Variants in BMPR1B observed in about 807,000 individuals in gnomAD.
BMPR1B encodes bone morphogenetic protein receptor type 1B, also known as bone morphogenetic protein receptor type-1B.
In BMPR1B, 12 loss-of-function variants were observed where a neutral mutation model predicts 59.1. The observed-to-expected ratio is 0.20, with a 90% CI of 0.13 to 0.33. The LOEUF (loss-of-function observed/expected upper bound fraction) is 0.33. Among genes scored for constraint, BMPR1B ranks in the 10% least tolerant of loss-of-function variants. BMPR1B has a pLI of 1.00. For missense variants in BMPR1B, 550 were observed against 610.9 expected (o/e 0.90, Z 1.05); for synonymous variants, 237 against 207.3 (o/e 1.14, Z -1.23).
chr4:94,974,924 A>G (rs1483476100), intron 2 of BMPR1B, among the ~76,000 whole-genome samples: 1 of 152,132 alleles, frequency 6.6e-6, no homozygotes, highest in Non-Finnish European at 1.5e-5. Flanking sequence ...GTTTGGAACA[A>G]ATATTTTGGA....
chr4:94,866,030 T>G (rs76093524), intron 1 of BMPR1B, among the ~76,000 whole-genome samples: 174 of 152,290 alleles, frequency 1.1e-3, no homozygotes, highest in African/African-American at 3.8e-3. Flanking sequence ...ACCTTTGGCA[T>G]AGAGGGGAAT....
chr4:94,769,339 G>C (rs1406113319), intron 1 of BMPR1B, among the ~76,000 whole-genome samples: 1 of 152,190 alleles, frequency 6.6e-6, no homozygotes, highest in African/African-American at 2.4e-5. Context: ...GGCCGGGCGC[G>C]GTGGCTCACG....
intron 8 of BMPR1B, among the ~76,000 whole-genome samples, chr4:95,129,499 AT>A (rs1234210723): frequency 6.6e-6 from 1 of 152,062 alleles, no homozygotes; most frequent in African/African-American, 2.4e-5. Flanking sequence ...GATTAGGTGT[AT>A]GGTGACGAGT....
intron 2 of BMPR1B, among the ~76,000 whole-genome samples, chr4:94,938,563 T>C (rs1729401410): frequency 6.6e-6 from 1 of 152,158 alleles, no homozygotes; most frequent in Non-Finnish European, 1.5e-5. Context: ...TCCTATCTGG[T>C]CCTTGGATTT....
chr4:94,837,508 G>C (rs1431171603), intron 1 of BMPR1B, among the ~76,000 whole-genome samples: 2 of 145,288 alleles, frequency 1.4e-5, no homozygotes, highest in African/African-American at 5.1e-5. Flanking sequence ...GTATTTTATT[G>C]TCTTTGAAGC....
chr4:95,142,335 T>C (rs1255118509), intron 10 of BMPR1B, among the ~76,000 whole-genome samples: 1 of 152,168 alleles, frequency 6.6e-6, no homozygotes, highest in Non-Finnish European at 1.5e-5. Context: ...CAAATCATCT[T>C]GCTGAGAGAG....
At chr4:95,144,414 A>G (rs915030750) in intron 10 of BMPR1B, among the ~76,000 whole-genome samples, 3 of 152,058 alleles carry the variant, frequency 2.0e-5, no homozygotes, top group East Asian at 1.9e-4. Flanking sequence ...GACTCAAGCA[A>G]GCAATCCACC....
At chr4:95,016,602 G>A (rs1011709724) in intron 3 of BMPR1B, among the ~76,000 whole-genome samples, 2 of 152,260 alleles carry the variant, frequency 1.3e-5, no homozygotes, top group African/African-American at 4.8e-5. Flanking sequence ...ATAGATTGTA[G>A]AGATAAGAGA....
At chr4:94,818,560 C>G (rs1426426094) in intron 1 of BMPR1B, among the ~76,000 whole-genome samples, 1 of 152,116 alleles carries the variant, frequency 6.6e-6, no homozygotes, top group Non-Finnish European at 1.5e-5. Flanking sequence ...AAGCAGTGAC[C>G]AGAACAGCCA....
chr4:94,862,931 C>A (rs1176075280), intron 1 of BMPR1B, among the ~76,000 whole-genome samples: 1 of 116,582 alleles, frequency 8.6e-6, no homozygotes, highest in Non-Finnish European at 1.7e-5. Context: ...GGGGACAGAG[C>A]GAGACTCCGT....
intron 2 of BMPR1B, among the ~76,000 whole-genome samples, chr4:94,939,075 G>A (rs1729420613): frequency 6.6e-6 from 1 of 152,024 alleles, no homozygotes; most frequent in African/African-American, 2.4e-5. Context: ...TCTGAACTCC[G>A]AGCCTCTATG....
chr4:94,978,687 C>G (rs1459343578), intron 2 of BMPR1B, among the ~76,000 whole-genome samples: 1 of 152,100 alleles, frequency 6.6e-6, no homozygotes, highest in Admixed American at 6.6e-5. Context: ...GAACTTAGAA[C>G]CCACCTCTCA....
At chr4:95,091,702 G>A (rs376493865) in intron 3 of BMPR1B, 2 of 952,916 alleles carry the variant, frequency 2.1e-6, no homozygotes, top group Non-Finnish European at 2.5e-6. Flanking sequence ...AGCAAGATGA[G>A]TAAAGCCAAT....
rs569534463 is a variant in BMPR1B, at chr4:95,056,317, C to T, written c.-17-48091C>T. 7.2e-5 allele frequency among the ~76,000 whole-genome samples: 11 copies of T among 152,178 alleles called. 1 individual carries two copies. Among genetic ancestry groups the T allele is most frequent in the Admixed American group, 5.2e-4 (8 of 15,274 alleles). ...TTTGCACTCTATTTTTACTCTAGAC[C>T]TCTCCATGTTTCTTTTAACTTGGAA... On this transcript the variant is annotated intron_variant, in intron 3 of 12. Transcript: ENST00000515059.
intron 3 of BMPR1B, among the ~76,000 whole-genome samples, chr4:95,063,910 G>T (rs1235766711): frequency 2.6e-5 from 4 of 152,200 alleles, no homozygotes; most frequent in African/African-American, 9.6e-5. Flanking sequence ...AATAAATAGA[G>T]AATTGCAAGT....
chr4:94,880,497 T>G (rs1039729072), intron 2 of BMPR1B, among the ~76,000 whole-genome samples: 20 of 152,094 alleles, frequency 1.3e-4, no homozygotes, highest in Admixed American at 7.9e-4. Context: ...AATTTTGTTT[T>G]GTTTTTCTGT....
chr4:95,067,916 T>A (rs1487626790), intron 3 of BMPR1B, among the ~76,000 whole-genome samples: 1 of 152,100 alleles, frequency 6.6e-6, no homozygotes, highest in Non-Finnish European at 1.5e-5. Context: ...GAGGTCTGAA[T>A]CAAGTTGAGA....
intron 10 of BMPR1B, among the ~76,000 whole-genome samples, chr4:95,140,615 C>T (rs144667824): frequency 3.4e-4 from 52 of 152,120 alleles, no homozygotes; most frequent in East Asian, 1.8e-3. Context: ...TTTAATTTCC[C>T]GGTCTTTGTC....
chr4:95,043,389 T>G (rs562243976), intron 3 of BMPR1B, among the ~76,000 whole-genome samples: 40 of 152,086 alleles, frequency 2.6e-4, no homozygotes, highest in Non-Finnish European at 7.4e-5. Context: ...ATTAGCAAAT[T>G]TACTAAGTTA....
Sources: allele counts gnomAD v4.1 joint callset (sites outside exome capture counted in the v4.1 genomes callset), GRCh38; gene constraint gnomAD v4.1.1; transcripts MANE v1.5; gene names NCBI Gene and HGNC (gene_info 2026-07-23, HGNC 2026-07-21).